The following RAD51B variants were observed in gnomAD, a reference collection of about 807,000 sequenced individuals.
RAD51B encodes the protein DNA repair protein RAD51 homolog 2.
RAD51B carries 38 observed loss-of-function variants against 42.2 expected under a neutral mutation model. That is an observed-to-expected ratio of 0.90 (90% CI 0.70 to 1.18). The LOEUF is 1.18. Ranked by LOEUF, RAD51B falls within the 50% of genes most tolerant of loss-of-function variation. RAD51B has a pLI of 0.00. For synonymous variants in RAD51B, 154 were observed against 145.2 expected (o/e 1.06, Z -0.43); for missense variants, 373 against 400.7 (o/e 0.93, Z 0.59).
intron 8 of RAD51B, among the ~76,000 whole-genome samples, chr14:68,371,050 A>AG (rs1292734899): frequency 3.5e-5 from 4 of 114,152 alleles, no homozygotes; most frequent in Admixed American, 2.4e-4. Context: ...AAAAAAAAAA[A>AG]AAAAAGAAAA....
intron 10 of RAD51B, chr14:68,563,913 C>T (rs1009987022): frequency 6.1e-6 from 6 of 985,166 alleles, no homozygotes; most frequent in Non-Finnish European, 7.2e-6. Context: ...GGCCGATTCT[C>T]GGCAATTAAA....
intron 7 of RAD51B, among the ~76,000 whole-genome samples, chr14:68,042,981 A>G (rs1190182952): frequency 6.6e-6 from 1 of 152,220 alleles, no homozygotes; most frequent in Non-Finnish European, 1.5e-5. Context: ...TCTAATAACC[A>G]CAAGAATCAG....
intron 7 of RAD51B, among the ~76,000 whole-genome samples, chr14:68,235,671 T>G (rs2080236700): frequency 9.2e-6 from 1 of 109,094 alleles, no homozygotes; most frequent in Non-Finnish European, 1.7e-5. Flanking sequence ...GCCACTGCAC[T>G]CCAGCCTGGG....
chr14:68,073,901 C>T (rs2076792892), intron 7 of RAD51B, among the ~76,000 whole-genome samples: 2 of 152,174 alleles, frequency 1.3e-5, no homozygotes, highest in African/African-American at 4.8e-5. Context: ...CTACTGTTAG[C>T]CTGATGTGGT....
intron 10 of RAD51B, chr14:68,540,204 T>TGG: frequency 1.4e-6 from 1 of 691,150 alleles, no homozygotes. Flanking sequence ...ATACAGGATC[T>TGG]AGAGAATTCA....
intron 10 of RAD51B, among the ~76,000 whole-genome samples, chr14:68,559,508 G>A (rs1046961645): frequency 1.3e-5 from 2 of 151,360 alleles, no homozygotes; most frequent in African/African-American, 4.9e-5. Context: ...AGCCTCCCAA[G>A]CAGCTGGAAT....
intron 5 of RAD51B, among the ~76,000 whole-genome samples, chr14:67,876,285 C>CT (rs2042724653): frequency 6.6e-6 from 1 of 152,168 alleles, no homozygotes; most frequent in African/African-American, 2.4e-5. Flanking sequence ...TACATTTTAA[C>CT]TAAGATTTTG....
At chr14:67,886,057 GCTTCT>G in intron 6 of RAD51B, 69 bp downstream of exon 6, 1 of 1,285,102 alleles carries the variant, frequency 7.8e-7, no homozygotes, top group Non-Finnish European at 1.0e-6. Context: ...TTATGTTTCA[GCTTCT>G]AAGTGAAAAA....
At chr14:68,011,700 T>C (rs545981857) in intron 7 of RAD51B, among the ~76,000 whole-genome samples, 12 of 152,194 alleles carry the variant, frequency 7.9e-5, no homozygotes, top group African/African-American at 2.2e-4. Context: ...TCTGAACCTG[T>C]TTTTGTTCTG....
chr14:67,951,194 G>T (rs1016766262), intron 7 of RAD51B, among the ~76,000 whole-genome samples: 5 of 152,186 alleles, frequency 3.3e-5, no homozygotes, highest in Admixed American at 6.5e-5. Context: ...ATGTGTAAAA[G>T]ACCACAATAT....
At chr14:68,051,046 T>C (rs6573814) in intron 7 of RAD51B, among the ~76,000 whole-genome samples, 42,311 of 151,648 alleles carry the variant, frequency 0.28, 7,820 homozygotes, top group African/African-American at 0.53. Context: ...ATTAAATAAC[T>C]AACTTTAAAA....
At chr14:67,880,750 A>C (rs2042879818) in intron 5 of RAD51B, among the ~76,000 whole-genome samples, 1 of 152,080 alleles carries the variant, frequency 6.6e-6, no homozygotes, top group African/African-American at 2.4e-5. Flanking sequence ...GATGTTAAAC[A>C]TTGTAAATTT....
intron 7 of RAD51B, among the ~76,000 whole-genome samples, chr14:68,171,935 G>A (rs1164853734): frequency 6.6e-6 from 1 of 152,004 alleles, no homozygotes; most frequent in African/African-American, 2.4e-5. Flanking sequence ...TCGAACTCCT[G>A]ACCTCAAGTG....
At chr14:68,520,063 G>A (rs1886462862) in intron 10 of RAD51B, among the ~76,000 whole-genome samples, 1 of 152,194 alleles carries the variant, frequency 6.6e-6, no homozygotes. Flanking sequence ...GTTAGTAAAT[G>A]CAAGAGCTGG....
Position 68,675,318 on chromosome 14 carries a change from T to C in RAD51B, c.*11+24462T>C, listed in dbSNP as rs114236829. Among the ~76,000 whole-genome samples the C allele has an allele frequency of 2.2e-3, 333 of 152,320 alleles. 2 individuals carry two copies. The highest frequency in any genetic ancestry group is 7.6e-3 in the African/African-American group (315 of 41,560). On this transcript the variant is annotated intron_variant, in intron 11 of 11. Coordinates refer to the RAD51B transcript ENST00000488612. ...GGAGAATCCAAGTCTCCTGAACTTA[T>C]CTGGCACAGATCCAACATGGTGCCA...
chr14:67,892,829 A>T (rs2043260238), intron 7 of RAD51B, among the ~76,000 whole-genome samples: 1 of 152,252 alleles, frequency 6.6e-6, no homozygotes, highest in South Asian at 2.1e-4. Context: ...TTCCTGGTTG[A>T]CATTACTTTG....
chr14:68,392,227 T>A (rs530662930), intron 8 of RAD51B, among the ~76,000 whole-genome samples: 1 of 152,358 alleles, frequency 6.6e-6, no homozygotes, highest in African/African-American at 2.4e-5. Context: ...ATTGGGGCAT[T>A]GTTCACTTGG....
intron 7 of RAD51B, among the ~76,000 whole-genome samples, chr14:68,098,223 G>A (rs1176077230): frequency 3.3e-5 from 5 of 152,108 alleles, no homozygotes; most frequent in African/African-American, 1.2e-4. Flanking sequence ...ACTGAATATA[G>A]AATAGAATAA....
At chr14:68,137,927 C>T (rs953282560) in intron 7 of RAD51B, among the ~76,000 whole-genome samples, 1 of 152,196 alleles carries the variant, frequency 6.6e-6, no homozygotes, top group Admixed American at 6.5e-5. Flanking sequence ...ATGGGCATGA[C>T]ATCACCAAGG....
Sources: gnomAD v4.1 joint callset for allele counts (sites outside exome capture counted in the v4.1 genomes callset) on GRCh38, gnomAD v4.1.1 for gene constraint, MANE v1.5 for transcripts, NCBI Gene and HGNC (gene_info 2026-07-23, HGNC 2026-07-21) for gene names.